Variants in RCHY1 observed in about 807,000 individuals in gnomAD.
RCHY1 encodes the protein ring finger and CHY zinc finger domain containing 1.
Under a neutral mutation model 41.6 loss-of-function variants are expected in RCHY1, and 21 were observed. That is an observed-to-expected ratio of 0.51 (90% CI 0.36 to 0.73). The LOEUF (loss-of-function observed/expected upper bound fraction) is 0.73, where lower values mean the gene tolerates loss of function less well. Among genes scored for constraint, RCHY1 ranks in the 30% least tolerant of loss-of-function variants. RCHY1 has a pLI of 0.00. For synonymous variants in RCHY1, 79 were observed against 102.9 expected, an observed-to-expected ratio of 0.77 and a Z score of 1.41; for missense variants, 265 against 325.3, an observed-to-expected ratio of 0.81 and a Z score of 1.43.
At chr4:75,497,047 G>C (rs913029632) in intron 3 of RCHY1, among the ~76,000 whole-genome samples, 3 of 152,024 alleles carry the variant, frequency 2.0e-5, no homozygotes, top group Non-Finnish European at 4.4e-5. Context: ...TACAATGTCT[G>C]AGATTTAAAA....
intron 1 of RCHY1, among the ~76,000 whole-genome samples, chr4:75,513,603 T>C (rs1294870556): frequency 6.6e-6 from 1 of 152,052 alleles, no homozygotes; most frequent in Non-Finnish European, 1.5e-5. Context: ...TACGTGCCAA[T>C]TTAAAAAAAA....
intron 2 of RCHY1, 42 bp downstream of exon 2, chr4:75,509,135 T>C (rs187656044): frequency 1.1e-4 from 166 of 1,576,180 alleles, no homozygotes; most frequent in Non-Finnish European, 1.4e-4. Flanking sequence ...ACCACCTTAA[T>C]ACAGCTTTTA....
rs1721390911 is a variant in RCHY1 at position 75,479,914 on chromosome 4, G to A, written c.*2624C>T. On this transcript the variant is annotated 3_prime_UTR_variant, in exon 9 of 9. Coordinates refer to ENST00000324439, the MANE Select transcript of RCHY1 (RefSeq NM_015436.4). Reference sequence around the variant, plus strand: ...TAAAATGTTAACAGTAGTTCTCTCTGAAAGAAGGGATTGTTGAGAGTTTTT... The same window carrying A: ...TAAAATGTTAACAGTAGTTCTCTCTAAAAGAAGGGATTGTTGAGAGTTTTT... The A allele has an allele frequency of 1.3e-5, 2 of 152,140 alleles. No homozygotes were observed. The highest frequency in any genetic ancestry group is 4.8e-5 in the African/African-American group (2 of 41,440). The allele number at this position is 152,140 out of a possible 1,614,324, so 9.4% of individuals were successfully genotyped here.
At chr4:75,491,567 AAG>A in intron 7 of RCHY1, 42 bp downstream of exon 7, 4 of 1,569,284 alleles carry the variant, frequency 2.5e-6, no homozygotes, top group Non-Finnish European at 3.5e-6. Flanking sequence ...ACACACAAAA[AAG>A]TCAAACATCT....
intron 3 of RCHY1, among the ~76,000 whole-genome samples, chr4:75,508,285 T>G (rs1724527059): frequency 6.6e-6 from 1 of 152,046 alleles, no homozygotes; most frequent in South Asian, 2.1e-4. Context: ...CATACATGCT[T>G]TAATATACAT....
At chr4:75,485,327 G>T (rs766959827) in intron 8 of RCHY1, among the ~76,000 whole-genome samples, 2 of 152,096 alleles carry the variant, frequency 1.3e-5, no homozygotes. Flanking sequence ...TTTTAAAAAC[G>T]ATCTATGGAA....
intron 3 of RCHY1, among the ~76,000 whole-genome samples, chr4:75,496,011 C>T (rs1319090288): frequency 1.3e-5 from 2 of 152,068 alleles, no homozygotes; most frequent in Non-Finnish European, 2.9e-5. Flanking sequence ...ATCCACTCTT[C>T]GTTGTCCTTC....
chr4:75,486,294 A>T (rs1267798039), intron 8 of RCHY1, among the ~76,000 whole-genome samples: 2 of 151,992 alleles, frequency 1.3e-5, no homozygotes, highest in African/African-American at 2.4e-5. Context: ...CTAATTTCAA[A>T]TTTTTTTTCA....
At chr4:75,489,161 T>G (rs533630950) in intron 8 of RCHY1, among the ~76,000 whole-genome samples, 1 of 152,210 alleles carries the variant, frequency 6.6e-6, no homozygotes, top group South Asian at 2.1e-4. Context: ...TATATAAAAT[T>G]TATATATATT....
intron 8 of RCHY1, among the ~76,000 whole-genome samples, chr4:75,490,199 A>G (rs1416812555): frequency 1.3e-5 from 2 of 152,170 alleles, no homozygotes. Context: ...CTCAAAAATC[A>G]GCAAATATGT....
At chr4:75,487,667 CATATATATTCATAATATATATATTCAT>C (rs1722267101) in intron 8 of RCHY1, among the ~76,000 whole-genome samples, 2 of 38,444 alleles carry the variant, frequency 5.2e-5, no homozygotes, top group African/African-American at 3.0e-4. Flanking sequence ...TATATATATT[CATATATATTCATAATATATATATTCAT>C]ATATATATTC....
chr4:75,513,816 G>A (rs1158064721), intron 1 of RCHY1: 6 of 161,642 alleles, frequency 3.7e-5, no homozygotes, highest in Non-Finnish European at 8.1e-5. Context: ...ATCGTATTCG[G>A]GTTCTCCACT....
chr4:75,499,070 C>T (rs1406949333), intron 3 of RCHY1, among the ~76,000 whole-genome samples: 1 of 152,062 alleles, frequency 6.6e-6, no homozygotes, highest in African/African-American at 2.4e-5. Context: ...ATATAAAGAG[C>T]TCAGACAACT....
In RCHY1 at chr4:75,514,250, G is replaced by T; in HGVS notation, c.37C>A (p.Gln13Lys). Residue 13 changes from glutamine to lysine, a missense_variant, in exon 1 of 9, where the codon CAA (glutamine) becomes AAA (lysine). Transcript: ENST00000324439. ...TCGCAGCCCCGCTGACCTCGCTCTT[G>T]ACCGCTGGCGCCATCTTCCCGGGCC... The part of the protein sequence containing the change: ...ATAREDGASG[Q>K]ERGQRGCEHY... 1 of 1,612,792 alleles carries T rather than the reference G, an allele frequency of 6.2e-7. No homozygotes were observed. Among genetic ancestry groups the T allele is most frequent in the Non-Finnish European group, 8.5e-7 (1 of 1,178,938 alleles).
intron 3 of RCHY1, among the ~76,000 whole-genome samples, chr4:75,498,758 G>C (rs1368038128): frequency 6.6e-6 from 1 of 152,090 alleles, no homozygotes; most frequent in Non-Finnish European, 1.5e-5. Flanking sequence ...GAAACTAGAT[G>C]CTTCTCTCTC....
At chr4:75,493,594 C>T (rs867494938) in intron 4 of RCHY1, among the ~76,000 whole-genome samples, 13 of 151,726 alleles carry the variant, frequency 8.6e-5, no homozygotes, top group Admixed American at 2.0e-4. Flanking sequence ...TAAATTCTTA[C>T]AGTAGATAGA....
chr4:75,512,293 C>A (rs1228431393), intron 1 of RCHY1, among the ~76,000 whole-genome samples: 1 of 152,220 alleles, frequency 6.6e-6, no homozygotes, highest in African/African-American at 2.4e-5. Context: ...CTCCTTAACA[C>A]TCTGCTGATG....
intron 8 of RCHY1, among the ~76,000 whole-genome samples, chr4:75,485,625 T>C (rs1422930446): frequency 3.9e-5 from 6 of 152,196 alleles, no homozygotes; most frequent in African/African-American, 1.4e-4. Flanking sequence ...GAGATATACA[T>C]TTTCTACCTT....
intron 1 of RCHY1, among the ~76,000 whole-genome samples, chr4:75,511,146 C>CTCA (rs1724821795): frequency 6.6e-6 from 1 of 152,160 alleles, no homozygotes; most frequent in African/African-American, 2.4e-5. Context: ...GGATGTTTTA[C>CTCA]TCATGCATTG....
Sources: gnomAD v4.1 joint callset for allele counts (sites outside exome capture counted in the v4.1 genomes callset) on GRCh38, gnomAD v4.1.1 for gene constraint, MANE v1.5 for transcripts, NCBI Gene and HGNC (gene_info 2026-07-23, HGNC 2026-07-21) for gene names.